LMCD1: variants seen among roughly 807,000 people sequenced by gnomAD.
LMCD1 encodes the protein LIM and cysteine-rich domains protein 1.
Under a neutral mutation model 42.7 loss-of-function variants are expected in LMCD1, and 32 were observed. The observed-to-expected ratio is 0.75, with a 90% CI of 0.57 to 1.01. LMCD1 has a LOEUF of 1.01. LMCD1 is among the 50% of genes least tolerant of loss of function. LMCD1 has a pLI of 0.00. For missense variants in LMCD1, 458 were observed against 483.1 expected (o/e 0.95, Z 0.49); for synonymous variants, 178 against 184.9 (o/e 0.96, Z 0.30).
At position 8,570,369 on chromosome 3, in the gene LMCD1, T is replaced by G. The variant is rs1233569975; in HGVS notation, c.*2771T>G. ...CATGAGATACGTCATCTCTTCTCTG[T>G]TGAAACCCCAGCACAATGCATGATT... On this transcript the variant is annotated 3_prime_UTR_variant, in exon 6 of 6. Coordinates refer to ENST00000157600, the MANE Select transcript of LMCD1 (RefSeq NM_014583.4). 1 of 152,328 alleles carries G rather than the reference T, an allele frequency of 6.6e-6. No individual in the cohort carries two copies. Among genetic ancestry groups the G allele is most frequent in the Admixed American group, 6.5e-5 (1 of 15,270 alleles). The allele number at this position is 152,328 out of a possible 1,614,324, so 9.4% of individuals were successfully genotyped here.
chr3:8,513,331 C>T (rs1694036661), intron 1 of LMCD1, among the ~76,000 whole-genome samples: 1 of 152,236 alleles, frequency 6.6e-6, no homozygotes, highest in Admixed American at 6.5e-5. Flanking sequence ...GCACGCATCC[C>T]CCAGGGTTTG....
In LMCD1 at chr3:8,567,958, G is replaced by C. The variant is rs1695156722; in HGVS notation, c.*360G>C. 3 of 161,986 alleles carry C rather than the reference G, an allele frequency of 1.9e-5. No homozygotes were observed. The highest frequency in any genetic ancestry group is 6.4e-5 in the Admixed American group (1 of 15,636). The allele number at this position is 161,986 out of a possible 1,614,324, so 10.0% of individuals were successfully genotyped here. On this transcript the variant is annotated 3_prime_UTR_variant, in exon 6 of 6. Coordinates refer to ENST00000157600, the MANE Select transcript of LMCD1 (RefSeq NM_014583.4). ...CAATTCCGAGTGAGCAAATCGCATA[G>C]CTGTAGAATGTGCGTGCTTTTTTGT...
rs1485392788 is a variant in LMCD1, at chr3:8,523,835, ATCC to A, written c.43-8896_43-8894del. ...ATCCCTGGCTTTCCAACCCCCTGGC[ATCC>A]TCCTCTGGTGACACACAGGACCTGT... On this transcript the variant is annotated intron_variant, in intron 1 of 5. Coordinates refer to ENST00000157600, the MANE Select transcript of LMCD1 (RefSeq NM_014583.4). Among the ~76,000 whole-genome samples the A allele has an allele frequency of 3.9e-5, 6 of 152,276 alleles. No homozygotes were observed. The East Asian group carries it at 1.2e-3, about 29-fold the overall frequency.
At chr3:8,538,471 C>T (rs1425260243) in intron 3 of LMCD1, among the ~76,000 whole-genome samples, 2 of 152,114 alleles carry the variant, frequency 1.3e-5, no homozygotes, top group Admixed American at 1.3e-4. Flanking sequence ...CTTTGGAGCC[C>T]TTCATGGCCC....
chr3:8,559,635 G>A (rs560648553), intron 4 of LMCD1, among the ~76,000 whole-genome samples: 2 of 152,304 alleles, frequency 1.3e-5, no homozygotes, highest in East Asian at 1.9e-4. Context: ...GCTGAGAAAG[G>A]GCCAGGATGA....
rs1380029784 is a variant in LMCD1, at chr3:8,502,347, A to AAT, written c.42+373_42+374dup. ...TATATATAATATATATTATATATAA[A>AAT]ATATATAATATATATTATATAAAAT... On this transcript the variant is annotated intron_variant, in intron 1 of 5. Transcript: ENST00000157600. Among the ~76,000 whole-genome samples, 75 of 22,180 alleles carry AAT rather than the reference A, an allele frequency of 3.4e-3. 1 individual carries two copies. The highest frequency in any genetic ancestry group is 0.019 in the South Asian group (9 of 466). The allele number at this position is 22,180 out of a possible 152,430, so 14.6% of individuals were successfully genotyped here. A position where few individuals can be genotyped will look rare whatever the true frequency, so the allele number is the denominator to read the frequency against.
chr3:8,556,507 A>T (rs1321404563), intron 4 of LMCD1, among the ~76,000 whole-genome samples: 2 of 152,128 alleles, frequency 1.3e-5, no homozygotes, highest in Non-Finnish European at 2.9e-5. Context: ...AGCTGAGGAA[A>T]TTGTCTAGTC....
chr3:8,539,254 A>G (rs1315274925), intron 3 of LMCD1, among the ~76,000 whole-genome samples: 1 of 152,130 alleles, frequency 6.6e-6, no homozygotes, highest in Non-Finnish European at 1.5e-5. Flanking sequence ...ATGAAAAGAG[A>G]CTAAGATTTT....
At chr3:8,546,381 T>C (rs934566353) in intron 3 of LMCD1, among the ~76,000 whole-genome samples, 24 of 152,206 alleles carry the variant, frequency 1.6e-4, no homozygotes, top group Admixed American at 8.5e-4. Context: ...ATGTGGCCCA[T>C]GGGCTGTGGT....
At position 8,537,236 on chromosome 3, in the gene LMCD1, T is replaced by C; in HGVS notation, c.183T>C (p.Ser61=). The C allele has an allele frequency of 6.2e-7, 1 of 1,614,128 alleles. No homozygotes were observed. Among genetic ancestry groups the C allele is most frequent in the Non-Finnish European group, 8.5e-7 (1 of 1,180,006 alleles). Residue 61 remains serine (S), a synonymous_variant, in exon 3 of 6, where the codon TCT becomes TCC. Transcript: ENST00000157600. ...GCCAAGAGGACCACTGCCTAACATCTGACCTAGAAGACGATCGGAAAATTG... is the reference window on the plus strand; with the variant it reads ...GCCAAGAGGACCACTGCCTAACATCCGACCTAGAAGACGATCGGAAAATTG... The part of the protein sequence containing the change: ...KCSQEDHCLT[S]DLEDDRKIGR...
In LMCD1 at chr3:8,508,298, T is replaced by C. The variant is rs1693922920; in HGVS notation, c.42+6318T>C. ...GACCCATGGCCTACCCAATAATATATAAATCATGACCAAGCCAAACATGGC... is the reference window on the plus strand; with the variant it reads ...GACCCATGGCCTACCCAATAATATACAAATCATGACCAAGCCAAACATGGC... On this transcript the variant is annotated intron_variant, in intron 1 of 5. Transcript: ENST00000157600. Among the ~76,000 whole-genome samples, 3 of 152,114 alleles carry C rather than the reference T, an allele frequency of 2.0e-5. No individual in the cohort carries two copies. In the South Asian group the frequency reaches 6.2e-4, roughly 32 times the overall value.
At chr3:8,559,988 C>A (rs1224644149) in intron 4 of LMCD1, among the ~76,000 whole-genome samples, 1 of 152,206 alleles carries the variant, frequency 6.6e-6, no homozygotes, top group African/African-American at 2.4e-5. Context: ...AAGTGCTTTC[C>A]AACGGATGAG....
intron 4 of LMCD1, among the ~76,000 whole-genome samples, chr3:8,549,153 G>A (rs771297489): frequency 1.2e-4 from 18 of 152,158 alleles, no homozygotes; most frequent in Non-Finnish European, 1.9e-4. Context: ...TTTAGAGAAG[G>A]GACATCTAAG....
Position 8,532,699 on chromosome 3 carries a change from T to C in LMCD1, c.43-38T>C, listed in dbSNP as rs767557202. 5 of 1,587,050 alleles carry C rather than the reference T, an allele frequency of 3.2e-6. No individual in the cohort carries two copies. In the South Asian group the frequency reaches 5.5e-5, roughly 18 times the overall value. ...GTCAAGCATCTCCGGTCCAAGATGT[T>C]TGGAAGGAAAACACCCTCTTTTCTG... On this transcript the variant is annotated intron_variant, in intron 1 of 5. Transcript: ENST00000157600.
chr3:8,556,288 C>T (rs1277762349), intron 4 of LMCD1, among the ~76,000 whole-genome samples: 5 of 152,070 alleles, frequency 3.3e-5, no homozygotes, highest in African/African-American at 7.2e-5. Context: ...GGTCACAATC[C>T]GTCAGTGGGT....
At chr3:8,521,375 C>T (rs1277102391) in intron 1 of LMCD1, among the ~76,000 whole-genome samples, 3 of 152,206 alleles carry the variant, frequency 2.0e-5, no homozygotes, top group African/African-American at 7.2e-5. Flanking sequence ...CTTTTTGCCT[C>T]GTTCCATACT....
intron 1 of LMCD1, among the ~76,000 whole-genome samples, chr3:8,517,730 C>G (rs1694125180): frequency 6.6e-6 from 1 of 152,166 alleles, no homozygotes; most frequent in Non-Finnish European, 1.5e-5. Flanking sequence ...TTCCCAGGCT[C>G]AGAACTTTTA....
At chr3:8,530,375 CCCCGCAT>C (rs1436415237) in intron 1 of LMCD1, among the ~76,000 whole-genome samples, 4 of 152,158 alleles carry the variant, frequency 2.6e-5, no homozygotes, top group African/African-American at 9.7e-5. Flanking sequence ...AAGGCCAGAC[CCCCGCAT>C]CACCGGCGAG....
chr3:8,538,617 C>T (rs150420143), intron 3 of LMCD1, among the ~76,000 whole-genome samples: 2 of 152,324 alleles, frequency 1.3e-5, no homozygotes, highest in South Asian at 2.1e-4. Context: ...CTTCGCACGT[C>T]CTGCTCCTTT....
Sources: allele counts gnomAD v4.1 joint callset (sites outside exome capture counted in the v4.1 genomes callset), GRCh38; gene constraint gnomAD v4.1.1; transcripts MANE v1.5; gene names NCBI Gene and HGNC (gene_info 2026-07-23, HGNC 2026-07-21).